Variants in TTN observed in about 807,000 individuals in gnomAD.
The protein encoded by TTN is connectin.
TTN carries 1,525 observed loss-of-function variants against 3,223.0 expected under a neutral mutation model. That is an observed-to-expected ratio of 0.47 (90% confidence interval 0.45 to 0.49). TTN has a LOEUF of 0.49. Ranked by LOEUF, TTN falls within the 20% of genes least tolerant of loss-of-function variation. The probability of loss-of-function intolerance (pLI) is 0.00; values close to 1 mark genes in which losing one functional copy is unlikely to be tolerated. For synonymous variants in TTN, 14,094 were observed against 15,161.0 expected (o/e 0.93, Z 5.17); for missense variants, 40,786 against 43,424.0 (o/e 0.94, Z 5.40).
At chr2:178,595,369 C>T (rs920349455) in intron 295 of TTN, 138 bp downstream of exon 295, 26 of 751,310 alleles carry the variant, frequency 3.5e-5, no homozygotes, top group African/African-American at 8.9e-5. Flanking sequence ...ACTACCAAAT[C>T]AGATACTGAG....
intron 326 of TTN, chr2:178,559,076 A>C (rs898218426): frequency 5.4e-6 from 2 of 366,976 alleles, no homozygotes; most frequent in African/African-American, 4.2e-5. Flanking sequence ...TAGATTCAAT[A>C]ATACTTAAAT....
rs373182320 is a variant in TTN at position 178,537,563 on chromosome 2, C to T, written c.99644G>A (p.Arg33215Gln). Residue 33215 changes from arginine (R) to glutamine (Q), a missense_variant, in exon 355 of 363, where the codon CGG becomes CAG. By Grantham distance (43) the Arg-to-Gln change is conservative. Transcript: ENST00000589042. ...KYYGAVGSTL[R>Q]LHVMYIGRPV... ...ACGACCAATGTACATAACATGAAGC[C>T]GAAGTGTGGAACCCACAGCTCCATA... 22 of 1,613,628 alleles carry T rather than the reference C, an allele frequency of 1.4e-5. No homozygotes were observed. Among genetic ancestry groups the T allele is most frequent in the Middle Eastern group, 1.6e-4 (1 of 6,082 alleles).
chr2:178,789,414 T>C lies in TTN; in HGVS notation c.2022A>G (p.Arg674=). The C allele has an allele frequency of 6.2e-7, 1 of 1,613,584 alleles. No individual in the cohort carries two copies. Among genetic ancestry groups the C allele is most frequent in the Non-Finnish European group, 8.5e-7 (1 of 1,179,580 alleles). The change falls in exon 13 of 363, where the codon AGA becomes AGG. Residue 674 remains arginine, a synonymous_variant. Transcript: ENST00000589042. The part of the protein sequence containing the change: ...AKAKEQETIL[R]TRETMATRQE... ...GTCTAGTAGCCATAGTTTCTCTAGT[T>C]CTCAGTATTGTTTCTTGTTCTTTGG...
intron 281 of TTN, 71 bp from the exon 282 acceptor site, chr2:178,604,376 C>T: frequency 7.9e-7 from 1 of 1,261,200 alleles, no homozygotes; most frequent in Non-Finnish European, 1.0e-6. Context: ...TTTAAAAATT[C>T]AACTTATTTT....
rs761246331 is a variant in TTN, at chr2:178,539,862, T to C, written c.98203A>G (p.Ile32735Val). 1.9e-5 allele frequency: 31 copies of C among 1,613,678 alleles called. No individual in the cohort carries two copies. The African/African-American group carries it at 2.9e-4, about 15-fold the overall frequency. ...TIPIKGKPFP[I>V]CKWTKEGQDI... ...TGGCCTTCCTTGGTCCATTTACATA[T>C]TGGGAATGGTTTTCCTTTGATTGGT... Residue 32735 changes from isoleucine to valine, a missense_variant, in exon 352 of 363, where the codon ATA (isoleucine) becomes GTA (valine). Transcript: ENST00000589042.
At position 178,614,539 on chromosome 2, in the gene TTN, G is replaced by A; in HGVS notation, c.48975C>T (p.Asp16325=). ...CAGCCTCAATGATATATGTGCCAGT[G>A]TCACTTCTCTTACTATCAACAATAG... ...TVTIVDSKRS[D]TGTYIIEAVN... is the part of the protein sequence containing the mutation. Residue 16325 remains aspartate, a synonymous_variant, in exon 261 of 363, where the codon GAC becomes GAT. Coordinates refer to ENST00000589042, the MANE Select transcript of TTN (RefSeq NM_001267550.2). The A allele has an allele frequency of 6.2e-7, 1 of 1,612,398 alleles. No individual in the cohort carries two copies. The highest frequency in any genetic ancestry group is 8.5e-7 in the Non-Finnish European group (1 of 1,179,150).
intron 253 of TTN, 88 bp from the exon 254 acceptor site, chr2:178,617,600 T>TAAC: frequency 7.0e-7 from 1 of 1,425,806 alleles, no homozygotes; most frequent in East Asian, 2.5e-5. Flanking sequence ...TCATCCTCAT[T>TAAC]AACAGGTTTA....
chr2:178,717,882 G>T (rs2077734550), intron 86 of TTN, 61 bp downstream of exon 86: 1 of 1,572,798 alleles, frequency 6.4e-7, no homozygotes, highest in Non-Finnish European at 8.6e-7. Flanking sequence ...ATTCATAAAA[G>T]TTTTAACGTT....
In TTN at chr2:178,543,823, A is replaced by G. The variant is rs397517764; in HGVS notation, c.96310+11T>C. ...ACTCATTGTATAGCCAATTTTAAGT[A>G]AAATGCTTACCATAGACTTTAACAA... On this transcript the variant is annotated intron_variant, in intron 346 of 362. Transcript: ENST00000589042. 1.9e-6 allele frequency: 3 copies of G among 1,612,254 alleles called. No homozygotes were observed. The African/African-American group carries it at 4.0e-5, about 22-fold the overall frequency.
At chr2:178,539,319 T>C in intron 352 of TTN, 63 bp downstream of exon 352, 1 of 1,593,786 alleles carries the variant, frequency 6.3e-7, no homozygotes, top group Non-Finnish European at 8.6e-7. Context: ...CCAATGACTT[T>C]CATTTAAAAA....
Position 178,535,818 on chromosome 2 carries a change from A to C in TTN, c.100797T>G (p.Leu33599=). ...GAGCATGAACTGCTCCCATGCCTTC[A>C]AGAGTTTTAGGTAAGTGTATCTTAG... The part of the protein sequence containing the change: ...VPAKIHLPKT[L]EGMGAVHALR... The change falls in exon 358 of 363, where the codon CTT becomes CTG. Residue 33599 remains leucine (L), a synonymous_variant. Transcript: ENST00000589042. 1 of 1,603,346 alleles carries C rather than the reference A, an allele frequency of 6.2e-7. No individual in the cohort carries two copies. Among genetic ancestry groups the C allele is most frequent in the Non-Finnish European group, 8.5e-7 (1 of 1,174,898 alleles).
chr2:178,583,974 T>C, intron 311 of TTN, 68 bp from the exon 312 acceptor site: 1 of 1,402,134 alleles, frequency 7.1e-7, no homozygotes. Context: ...ATATTTCACA[T>C]TATCATCCCT....
chr2:178,725,538 T>G lies in TTN; in HGVS notation c.20666A>C (p.Lys6889Thr). 1 of 1,613,268 alleles carries G rather than the reference T, an allele frequency of 6.2e-7. No individual in the cohort carries two copies. The highest frequency in any genetic ancestry group is 8.5e-7 in the Non-Finnish European group (1 of 1,179,480). The change falls in exon 71 of 363, where the codon AAA becomes ACA. Residue 6889 changes from lysine (K) to threonine (T), a missense_variant. Lys to Thr is a moderately conservative substitution (Grantham distance 78). Transcript: ENST00000589042. ...TTCTCTAATCACTTCTTCCTTCTCT[T>G]TAAGCCACTGGACAAAAATAGGCTG... ...GAQPIFVQWLKEKEEVIRESE... is the reference protein window; with the variant it reads ...GAQPIFVQWLTEKEEVIRESE...
In TTN at chr2:178,545,847, C is replaced by T. The variant is rs1381214987; in HGVS notation, c.95389G>A (p.Glu31797Lys). The T allele has an allele frequency of 6.2e-7, 1 of 1,613,756 alleles. No individual in the cohort carries two copies. The highest frequency in any genetic ancestry group is 8.5e-7 in the Non-Finnish European group (1 of 1,179,710). The part of the protein sequence containing the change: ...KYGPGVPVES[E>K]PIVARNSFTI... ...AATGAGTTTCTGGCTACAATTGGCTCTGATTCAACAGGCACACCAGGGCCA... is the reference window on the plus strand; with the variant it reads ...AATGAGTTTCTGGCTACAATTGGCTTTGATTCAACAGGCACACCAGGGCCA... The change falls in exon 343 of 363, where the codon GAG becomes AAG. Residue 31797 changes from glutamate to lysine, a missense_variant. Physicochemically the swap from Glu to Lys is moderately conservative, Grantham distance 56. Coordinates refer to ENST00000589042, the MANE Select transcript of TTN (RefSeq NM_001267550.2).
chr2:178,622,814 T>G, intron 242 of TTN, 47 bp from the exon 243 acceptor site: 1 of 1,377,384 alleles, frequency 7.3e-7, no homozygotes, highest in Non-Finnish European at 1.0e-6. Context: ...TCTGGAAATT[T>G]ACTCTGACAT....
Position 178,629,271 on chromosome 2 carries a change from C to T in TTN, c.44424+30G>A, listed in dbSNP as rs183058083. 253 of 1,606,216 alleles carry T rather than the reference C, an allele frequency of 1.6e-4. 1 individual carries two copies. In the African/African-American group the frequency reaches 2.5e-3, roughly 16 times the overall value. Reference sequence around the variant, plus strand: ...AGGTGGAAGAACTCCAGAAAAAGAACGGGAAAGACAAGGCATGCCTGCTTT... The same window carrying T: ...AGGTGGAAGAACTCCAGAAAAAGAATGGGAAAGACAAGGCATGCCTGCTTT... On this transcript the variant is annotated intron_variant, in intron 240 of 362. Coordinates refer to ENST00000589042, the MANE Select transcript of TTN (RefSeq NM_001267550.2).
Position 178,636,710 on chromosome 2 carries a change from G to T in TTN, c.41017C>A (p.Pro13673Thr), listed in dbSNP as rs1188847542. 4 of 1,612,996 alleles carry T rather than the reference G, an allele frequency of 2.5e-6. No individual in the cohort carries two copies. In the African/African-American group the frequency reaches 5.3e-5, roughly 22 times the overall value. ...SGGEKPPDEA[P>T]FTYQLKAVPL... is the part of the protein sequence containing the mutation. ...ACAGCCTTTAGCTGGTAGGTGAACG[G>T]GGCTTCATCAGGAGGTTTCTCTCCA... Residue 13673 changes from proline to threonine, a missense_variant, in exon 225 of 363, where the codon CCG (proline) becomes ACG (threonine). Physicochemically the swap from Pro to Thr is conservative, Grantham distance 38. Transcript: ENST00000589042. This position sits in a 1 kb window ranked among gnomAD's most constrained non-coding sequence, Gnocchi z 4.3.
At position 178,533,636 on chromosome 2, in the gene TTN, C is replaced by T; in HGVS notation, c.102979G>A (p.Asp34327Asn). ...GCCACAACAGTATATTCAGCGTCAT[C>T]ATCTGTAGTGACACTGTTGATTGTT... ...QLTINSVTTD[D>N]DAEYTVVARN... Residue 34327 changes from aspartate to asparagine, a missense_variant, in exon 358 of 363, where the codon GAT (aspartate) becomes AAT (asparagine). Transcript: ENST00000589042. 1 of 1,613,960 alleles carries T rather than the reference C, an allele frequency of 6.2e-7. No individual in the cohort carries two copies. The highest frequency in any genetic ancestry group is 1.1e-5 in the South Asian group (1 of 91,074).
Position 178,701,123 on chromosome 2 carries a change from C to T in TTN, c.30679G>A (p.Glu10227Lys). ...EEKKPPPKRI[E>K]VTKKAVKKDA... is the part of the protein sequence containing the mutation. The stretch of plus-strand genomic sequence containing the variant: ...CTAGGTAGATGAGGTATAATACCTT[C>T]AATACGTTTTGGTGGTGGTTTCTTT... Residue 10227 changes from glutamate to lysine, a missense_variant, in exon 111 of 363, where the codon GAA (glutamate) becomes AAA (lysine). Transcript: ENST00000589042. 2 of 1,613,550 alleles carry T rather than the reference C, an allele frequency of 1.2e-6. No individual in the cohort carries two copies. Among genetic ancestry groups the T allele is most frequent in the Non-Finnish European group, 1.7e-6 (2 of 1,179,614 alleles).
Sources: allele counts gnomAD v4.1 joint callset, GRCh38; gene constraint gnomAD v4.1.1; non-coding constraint Gnocchi (gnomAD v3.1); transcripts MANE v1.5; gene names NCBI Gene and HGNC (gene_info 2026-07-23, HGNC 2026-07-21).